CRTC3: variants seen among roughly 807,000 people sequenced by gnomAD.
CRTC3 encodes the protein CREB-regulated transcription coactivator 3.
Under a neutral mutation model 74.5 loss-of-function variants are expected in CRTC3, and 26 were observed. The ratio of observed to expected loss-of-function variants is 0.35; its 90% CI spans 0.26 to 0.48. The LOEUF is 0.48. CRTC3 is among the 20% of genes least tolerant of loss of function. The pLI, the probability that CRTC3 is intolerant of heterozygous loss-of-function variation, is 0.99. For synonymous variants in CRTC3, 377 were observed against 325.8 expected, an observed-to-expected ratio of 1.16 and a Z score of -1.69; for missense variants, 760 against 787.3, an observed-to-expected ratio of 0.97 and a Z score of 0.41.
rs1286533574 is a variant in CRTC3, at chr15:90,618,479, A to G, written c.699+511A>G. 2.0e-5 allele frequency among the ~76,000 whole-genome samples: 3 copies of G among 152,354 alleles called. No homozygotes were observed. In the East Asian group the frequency reaches 5.8e-4, roughly 29 times the overall value. On this transcript the variant is annotated intron_variant, in intron 8 of 14. Transcript: ENST00000268184. ...GAGAATTTGTATCTAAAATTGTGCTAGCTGACCTCCACCTCGGCTCTCTAA... is the reference window on the plus strand; with the variant it reads ...GAGAATTTGTATCTAAAATTGTGCTGGCTGACCTCCACCTCGGCTCTCTAA...
chr15:90,533,622 TA>T (rs1270136301), intron 1 of CRTC3, among the ~76,000 whole-genome samples: 1 of 152,142 alleles, frequency 6.6e-6, no homozygotes, highest in Non-Finnish European at 1.5e-5. Context: ...CAAATTTACT[TA>T]CTGAGTGAGT....
chr15:90,633,958 C>A (rs1969137915), intron 11 of CRTC3, among the ~76,000 whole-genome samples: 1 of 151,618 alleles, frequency 6.6e-6, no homozygotes, highest in Admixed American at 6.6e-5. Flanking sequence ...CATACTTATT[C>A]CACAGATGCA....
chr15:90,591,058 G>T (rs1036357546), intron 2 of CRTC3, among the ~76,000 whole-genome samples: 3 of 152,058 alleles, frequency 2.0e-5, no homozygotes, highest in African/African-American at 7.2e-5. Context: ...GGGTTCAAGT[G>T]ATCCTCCTGC....
chr15:90,591,146 T>G (rs1967791222), intron 2 of CRTC3, among the ~76,000 whole-genome samples: 1 of 151,346 alleles, frequency 6.6e-6, no homozygotes, highest in East Asian at 1.9e-4. Context: ...TTTTTTTTTG[T>G]AGAAGTGAGG....
chr15:90,588,814 T>C (rs751617165), intron 2 of CRTC3, among the ~76,000 whole-genome samples: 2 of 151,948 alleles, frequency 1.3e-5, no homozygotes, highest in Non-Finnish European at 2.9e-5. Flanking sequence ...CTTCCCAGGG[T>C]TCCACCATGC....
At chr15:90,639,917 C>T (rs1251765291) in intron 13 of CRTC3, among the ~76,000 whole-genome samples, 2 of 152,000 alleles carry the variant, frequency 1.3e-5, no homozygotes, top group East Asian at 3.9e-4. Flanking sequence ...GGCGTGGTGG[C>T]AGGCACCTGT....
intron 11 of CRTC3, among the ~76,000 whole-genome samples, chr15:90,633,001 C>T (rs1410708349): frequency 2.0e-5 from 3 of 152,134 alleles, no homozygotes; most frequent in Non-Finnish European, 2.9e-5. Context: ...AATTCTCTTT[C>T]CACTCTCCCA....
At chr15:90,565,684 A>G (rs902518542) in intron 2 of CRTC3, among the ~76,000 whole-genome samples, 2 of 152,082 alleles carry the variant, frequency 1.3e-5, no homozygotes, top group Non-Finnish European at 2.9e-5. Flanking sequence ...CTTTTTCATT[A>G]TTATATCTGT....
intron 9 of CRTC3, chr15:90,624,845 T>C (rs1269347911): frequency 6.5e-6 from 1 of 152,748 alleles, no homozygotes; most frequent in Non-Finnish European, 1.5e-5. Context: ...GTATACGCAC[T>C]AGGCCTGGGG....
intron 2 of CRTC3, among the ~76,000 whole-genome samples, chr15:90,544,284 C>T (rs940114357): frequency 9.2e-5 from 14 of 152,198 alleles, no homozygotes; most frequent in African/African-American, 3.4e-4. Flanking sequence ...TTAAATCTTC[C>T]TCTCCTTTTT....
chr15:90,619,511 A>G lies in CRTC3; in HGVS notation c.700-230A>G, dbSNP rs568683465. 5.9e-5 allele frequency among the ~76,000 whole-genome samples: 9 copies of G among 152,348 alleles called. No individual in the cohort carries two copies. In the East Asian group the frequency reaches 1.5e-3, roughly 26 times the overall value. ...TAATGTTAATCCAGAAGGTAAATTG[A>G]TAAGGCATCAAATTAGGAAAATGTA... On this transcript the variant is annotated intron_variant, in intron 8 of 14. Transcript: ENST00000268184.
intron 1 of CRTC3, among the ~76,000 whole-genome samples, chr15:90,538,768 T>C (rs1966758827): frequency 9.8e-6 from 1 of 102,226 alleles, no homozygotes; most frequent in African/African-American, 4.0e-5. Context: ...TAAACCAAAC[T>C]TCACCTTTTT....
intron 2 of CRTC3, among the ~76,000 whole-genome samples, chr15:90,552,314 A>T (rs1426888716): frequency 6.6e-6 from 1 of 152,188 alleles, no homozygotes; most frequent in East Asian, 1.9e-4. Context: ...TTAAGCCACA[A>T]ATGACCTTGG....
At chr15:90,545,640 G>C (rs1211815789) in intron 2 of CRTC3, among the ~76,000 whole-genome samples, 1 of 151,678 alleles carries the variant, frequency 6.6e-6, no homozygotes, top group Non-Finnish European at 1.5e-5. Context: ...GCAGTGGCAC[G>C]ATCTCGGCTC....
At chr15:90,641,222 T>A (rs753231614) in intron 14 of CRTC3, 23 bp downstream of exon 14, 1 of 1,432,216 alleles carries the variant, frequency 7.0e-7, no homozygotes, top group East Asian at 2.3e-5. Flanking sequence ...TCCCTCAGCT[T>A]CTTTACTGCT....
At chr15:90,608,797 C>G (rs1157346175) in intron 6 of CRTC3, among the ~76,000 whole-genome samples, 2 of 152,184 alleles carry the variant, frequency 1.3e-5, no homozygotes, top group African/African-American at 4.8e-5. Context: ...GCCAAAACAC[C>G]CTCTCGGTGC....
At chr15:90,547,434 T>TG (rs1473945518) in intron 2 of CRTC3, among the ~76,000 whole-genome samples, 1 of 152,220 alleles carries the variant, frequency 6.6e-6, no homozygotes, top group Non-Finnish European at 1.5e-5. Context: ...GGTTGGTAAG[T>TG]GTAGTACTAT....
intron 2 of CRTC3, among the ~76,000 whole-genome samples, chr15:90,565,146 C>G (rs1295100298): frequency 6.6e-6 from 1 of 152,144 alleles, no homozygotes; most frequent in Non-Finnish European, 1.5e-5. Context: ...CGGGGTTTCT[C>G]CATGTTGGTC....
At chr15:90,635,203 T>C (rs1017190085) in intron 11 of CRTC3, among the ~76,000 whole-genome samples, 1 of 151,534 alleles carries the variant, frequency 6.6e-6, no homozygotes, top group African/African-American at 2.4e-5. Flanking sequence ...CATTTCCAAA[T>C]AAAAATATGT....
Sources: allele counts gnomAD v4.1 joint callset (sites outside exome capture counted in the v4.1 genomes callset), GRCh38; gene constraint gnomAD v4.1.1; transcripts MANE v1.5; gene names NCBI Gene and HGNC (gene_info 2026-07-23, HGNC 2026-07-21).